ARAP2: variants seen among roughly 807,000 people sequenced by gnomAD.
ARAP2 encodes the protein ArfGAP with RhoGAP domain, ankyrin repeat and PH domain 2.
A neutral mutation model predicts 194.5 loss-of-function variants in ARAP2; 148 were observed. That is an observed-to-expected ratio of 0.76 (90% CI 0.67 to 0.87). The LOEUF (loss-of-function observed/expected upper bound fraction) is 0.87, where lower values mean the gene tolerates loss of function less well. ARAP2 is among the 40% of genes least tolerant of loss of function. The probability of loss-of-function intolerance (pLI) is 0.00; values close to 1 mark genes in which losing one functional copy is unlikely to be tolerated. For synonymous variants in ARAP2, 695 were observed against 683.5 expected (o/e 1.02, Z -0.26); for missense variants, 2,128 against 1,989.7 (o/e 1.07, Z -1.32).
intron 8 of ARAP2, among the ~76,000 whole-genome samples, chr4:36,186,437 G>T (rs1318264691): frequency 1.3e-5 from 2 of 152,138 alleles, no homozygotes; most frequent in Non-Finnish European, 2.9e-5. Flanking sequence ...TGATATAGAT[G>T]AAAAGAATTC....
Position 36,080,233 on chromosome 4 carries a change from T to C in ARAP2, c.4591A>G (p.Ser1531Gly). 2.5e-6 allele frequency: 4 copies of C among 1,613,140 alleles called. No homozygotes were observed. The South Asian group carries it at 4.4e-5, about 18-fold the overall frequency. Reference protein sequence around the residue: ...SSRTQTEWMTSIFIAQHEYDI... With the variant: ...SSRTQTEWMTGIFIAQHEYDI... The stretch of plus-strand genomic sequence containing the variant: ...TCTCGTACCTGGGCAATAAAGATAC[T>C]GGTCATCCACTCCGTCTGAGTTCGT... The change falls in exon 31 of 33, where the codon AGT (serine) becomes GGT (glycine). Residue 1531 changes from serine (S) to glycine (G), a missense_variant. By Grantham distance (56) the Ser-to-Gly change is moderately conservative. Coordinates refer to ENST00000303965, the MANE Select transcript of ARAP2 (RefSeq NM_015230.4).
Position 36,160,499 on chromosome 4 carries a change from T to C in ARAP2, c.2402A>G (p.Lys801Arg). 1 of 1,571,538 alleles carries C rather than the reference T, an allele frequency of 6.4e-7. No individual in the cohort carries two copies. ...TTTGGTGAGAGATGCCAAAAGAGTT[T>C]TTCTGAATTTTCCTTCTTTATATTT... ...TQKYKEGKFR[K>R]TLLASLTKEE... The change falls in exon 13 of 33, where the codon AAA becomes AGA. Residue 801 changes from lysine (K) to arginine (R), a missense_variant. Lys to Arg is a conservative substitution (Grantham distance 26, BLOSUM62 2). Transcript: ENST00000303965.
intron 28 of ARAP2, among the ~76,000 whole-genome samples, chr4:36,089,505 GACAA>G (rs1560405341): frequency 1.3e-5 from 2 of 152,012 alleles, no homozygotes; most frequent in Non-Finnish European, 2.9e-5. Context: ...TTTAAAAACT[GACAA>G]ACAGTTTTAC....
chr4:36,188,763 A>G (rs2109897755), intron 7 of ARAP2, among the ~76,000 whole-genome samples: 1 of 152,314 alleles, frequency 6.6e-6, no homozygotes, highest in African/African-American at 2.4e-5. Flanking sequence ...TGATTTGGAA[A>G]AAACAGCAAA....
At chr4:36,125,436 T>C (rs1461404848) in intron 21 of ARAP2, among the ~76,000 whole-genome samples, 2 of 152,012 alleles carry the variant, frequency 1.3e-5, no homozygotes, top group Admixed American at 1.3e-4. Flanking sequence ...TAAAAATCTT[T>C]CCAAAGCTAT....
chr4:36,050,561 T>C (rs1376453112), intron 3 of ARAP2, among the ~76,000 whole-genome samples: 1 of 152,246 alleles, frequency 6.6e-6, no homozygotes, highest in African/African-American at 2.4e-5. Flanking sequence ...TGAGCAGTTT[T>C]ATTTAAATAA....
intron 7 of ARAP2, among the ~76,000 whole-genome samples, chr4:36,188,590 T>C (rs1231304177): frequency 6.6e-6 from 1 of 152,062 alleles, no homozygotes. Flanking sequence ...GACAACAACA[T>C]AGAGTCAAAA....
chr4:36,132,311 C>T (rs756897173), intron 20 of ARAP2, among the ~76,000 whole-genome samples: 1 of 151,622 alleles, frequency 6.6e-6, no homozygotes, highest in African/African-American at 2.4e-5. Flanking sequence ...TTACTGCAGC[C>T]CTCTCACTAT....
At chr4:36,155,761 C>T (rs1235588138) in intron 15 of ARAP2, among the ~76,000 whole-genome samples, 4 of 151,496 alleles carry the variant, frequency 2.6e-5, no homozygotes, top group Non-Finnish European at 5.9e-5. Context: ...CTCCCAGGTT[C>T]ACGTCATTCT....
At chr4:36,217,110 G>T (rs1218422805) in intron 2 of ARAP2, among the ~76,000 whole-genome samples, 1 of 152,152 alleles carries the variant, frequency 6.6e-6, no homozygotes, top group Non-Finnish European at 1.5e-5. Flanking sequence ...ATTGTTTGTG[G>T]TAAAAATTTC....
intron 4 of ARAP2, among the ~76,000 whole-genome samples, chr4:36,212,736 G>A (rs1747046927): frequency 6.6e-6 from 1 of 151,490 alleles, no homozygotes; most frequent in African/African-American, 2.4e-5. Context: ...AAAGAAAATG[G>A]TAACCAAAAA....
intron 9 of ARAP2, among the ~76,000 whole-genome samples, chr4:36,167,732 A>C (rs185734432): frequency 2.0e-5 from 3 of 152,256 alleles, no homozygotes; most frequent in Non-Finnish European, 4.4e-5. Flanking sequence ...AAAAACTGCC[A>C]TTTGTTCAAA....
At chr4:36,137,352 G>T (rs1226566956) in intron 19 of ARAP2, among the ~76,000 whole-genome samples, 1 of 151,832 alleles carries the variant, frequency 6.6e-6, no homozygotes, top group Non-Finnish European at 1.5e-5. Flanking sequence ...TACATCCAGA[G>T]ATATATATTA....
At chr4:36,148,364 ATCT>A (rs1252189894) in intron 17 of ARAP2, 38 bp downstream of exon 17, 4 of 1,486,902 alleles carry the variant, frequency 2.7e-6, no homozygotes, top group Non-Finnish European at 3.7e-6. Context: ...CCAGTTCACA[ATCT>A]TCTCTGGATT....
chr4:36,127,914 AAGGACTTGTTTTAAATCATCGG>A (rs1471257319), intron 21 of ARAP2, among the ~76,000 whole-genome samples: 1 of 151,944 alleles, frequency 6.6e-6, no homozygotes, highest in Non-Finnish European at 1.5e-5. Flanking sequence ...GTTTCAATAA[AAGGACTTGTTTTAAATCATCGG>A]AGGTTAAAAA....
At chr4:36,127,406 C>T (rs1425202630) in intron 21 of ARAP2, among the ~76,000 whole-genome samples, 2 of 151,954 alleles carry the variant, frequency 1.3e-5, no homozygotes, top group South Asian at 2.1e-4. Context: ...GTAGTTATAT[C>T]GTGAGAAGCT....
At position 36,236,888 on chromosome 4, in the gene ARAP2, T is replaced by C. The variant is rs1023703789; in HGVS notation, c.-159-7243A>G. 3.0e-4 allele frequency among the ~76,000 whole-genome samples: 46 copies of C among 152,362 alleles called. 1 individual carries two copies. The highest frequency in any genetic ancestry group is 3.3e-4 in the Admixed American group (5 of 15,310). On this transcript the variant is annotated intron_variant, in intron 1 of 32. Transcript: ENST00000303965. ...AGTGTGATTTTTACTCCTTCAATTC[T>C]CTATAATTGATCAGTTCTCAATATG...
At chr4:36,051,751 T>C (rs1722707084) in intron 3 of ARAP2, among the ~76,000 whole-genome samples, 1 of 152,206 alleles carries the variant, frequency 6.6e-6, no homozygotes, top group Admixed American at 6.5e-5. Flanking sequence ...TGAATATTTA[T>C]AAATCTACTT....
Position 36,148,581 on chromosome 4 carries a change from T to C in ARAP2, c.2898-74A>G. ...AAGAAAATGAATAACACAAAGGTCA[T>C]GTTTTTAATTAAATTCCTTTTAAAA... On this transcript the variant is annotated intron_variant, in intron 16 of 32. Transcript: ENST00000303965. 3 of 1,014,198 alleles carry C rather than the reference T, an allele frequency of 3.0e-6. No individual in the cohort carries two copies. In the Admixed American group the frequency reaches 7.3e-5, roughly 25 times the overall value. 62.8% of individuals were successfully genotyped at this position (1,014,198 alleles called of 1,614,324 possible). A position where few individuals can be genotyped will look rare whatever the true frequency, so the allele number is the denominator to read the frequency against.
Sources: gnomAD v4.1 joint callset for allele counts (sites outside exome capture counted in the v4.1 genomes callset) on GRCh38, gnomAD v4.1.1 for gene constraint, MANE v1.5 for transcripts, NCBI Gene and HGNC (gene_info 2026-07-23, HGNC 2026-07-21) for gene names.